STK24: variants seen among roughly 807,000 people sequenced by gnomAD.
The protein encoded by STK24 is serine/threonine-protein kinase 24.
In STK24, 21 loss-of-function variants were observed where a neutral mutation model predicts 55.6. The ratio of observed to expected loss-of-function variants is 0.38; its 90% CI spans 0.27 to 0.54. The LOEUF is 0.54. Ranked by LOEUF, STK24 falls within the 20% of genes least tolerant of loss-of-function variation. STK24 has a pLI of 0.79. For missense variants in STK24, 383 were observed against 538.4 expected, an observed-to-expected ratio of 0.71 and a Z score of 2.86; for synonymous variants, 200 against 215.2, an observed-to-expected ratio of 0.93 and a Z score of 0.62.
At chr13:98,561,723 T>G (rs916568356) in intron 1 of STK24, among the ~76,000 whole-genome samples, 2 of 151,874 alleles carry the variant, frequency 1.3e-5, no homozygotes, top group African/African-American at 4.8e-5. Flanking sequence ...TTGCCACTAA[T>G]CCTAGCACTT....
chr13:98,526,999 A>G (rs532344825), intron 1 of STK24, among the ~76,000 whole-genome samples: 1 of 152,248 alleles, frequency 6.6e-6, no homozygotes, highest in Non-Finnish European at 1.5e-5. Flanking sequence ...TATGTGTCAG[A>G]TTCCCTGAGA....
At position 98,535,364 on chromosome 13, in the gene STK24, A is replaced by AC. The variant is rs367778396; in HGVS notation, c.43-15892_43-15891insG. 2.5e-3 allele frequency among the ~76,000 whole-genome samples: 105 copies of AC among 41,378 alleles called. 2 individuals carry two copies. Among genetic ancestry groups the AC allele is most frequent in the African/African-American group, 5.8e-3 (80 of 13,818 alleles). 27.1% of individuals were successfully genotyped at this position (41,378 alleles called of 152,430 possible). A position where few individuals can be genotyped will look rare whatever the true frequency, so the allele number is the denominator to read the frequency against. On this transcript the variant is annotated intron_variant, in intron 1 of 10. Coordinates refer to ENST00000539966, the MANE Select transcript of STK24 (RefSeq NM_001032296.4). ...AACAAACAAACAAACAAACAAACAA[A>AC]AAAAAAATATATATATATATATATA...
At chr13:98,464,188 C>T (rs1422902312) in intron 6 of STK24, among the ~76,000 whole-genome samples, 6 of 152,138 alleles carry the variant, frequency 3.9e-5, no homozygotes, top group East Asian at 3.9e-4. Flanking sequence ...GAGGCCGAGG[C>T]GGGCAGATCA....
At chr13:98,536,100 G>T (rs1896726849) in intron 1 of STK24, among the ~76,000 whole-genome samples, 1 of 152,200 alleles carries the variant, frequency 6.6e-6, no homozygotes, top group Non-Finnish European at 1.5e-5. Context: ...GAAGGTCATA[G>T]ACAAGGTTGA....
At chr13:98,549,024 A>G (rs927188720) in intron 1 of STK24, among the ~76,000 whole-genome samples, 1 of 152,164 alleles carries the variant, frequency 6.6e-6, no homozygotes, top group African/African-American at 2.4e-5. Flanking sequence ...GCCTCCTGCA[A>G]TTAGGCTGTT....
chr13:98,456,429 T>G (rs550689206), intron 10 of STK24: 27 of 477,164 alleles, frequency 5.7e-5, no homozygotes, highest in Admixed American at 5.1e-4. Context: ...CTCCTGGGGG[T>G]GTGGAGGACA....
At chr13:98,573,083 C>T (rs1234380243) in intron 1 of STK24, among the ~76,000 whole-genome samples, 2 of 152,150 alleles carry the variant, frequency 1.3e-5, no homozygotes, top group Non-Finnish European at 2.9e-5. Flanking sequence ...GCATATAATG[C>T]AAATATTCCA....
At chr13:98,540,698 T>A (rs1896861618) in intron 1 of STK24, among the ~76,000 whole-genome samples, 1 of 146,504 alleles carries the variant, frequency 6.8e-6, no homozygotes, top group Non-Finnish European at 1.5e-5. Context: ...GCAGGCCAAG[T>A]CTCTCTCACA....
At chr13:98,546,961 G>A (rs1472380858) in intron 1 of STK24, among the ~76,000 whole-genome samples, 2 of 152,120 alleles carry the variant, frequency 1.3e-5, no homozygotes, top group Non-Finnish European at 2.9e-5. Context: ...GCCCAGGATG[G>A]AGTGCAATGG....
rs373700027 is a variant in STK24 at position 98,446,610 on chromosome 13, G to A, written c.*6563C>T. 2.5e-5 allele frequency: 39 copies of A among 1,584,074 alleles called. No homozygotes were observed. The highest frequency in any genetic ancestry group is 3.4e-5 in the Non-Finnish European group (39 of 1,157,044). ...CTGTCTGATGCGGGGCAGCAGCCAG[G>A]CCCAGCAGCAGAAGCTGACCCCGAA... On this transcript the variant is annotated 3_prime_UTR_variant, in exon 11 of 11. Transcript: ENST00000539966.
At position 98,559,002 on chromosome 13, in the gene STK24, TAAAAAAAAAAAA is replaced by T. The variant is rs60756124; in HGVS notation, c.42+17731_42+17742del. On this transcript the variant is annotated intron_variant, in intron 1 of 10. Coordinates refer to ENST00000539966, the MANE Select transcript of STK24 (RefSeq NM_001032296.4). ...CAACGTGGAGAAACCCTGTCTCTAC[TAAAAAAAAAAAA>T]AAAAAAAAAAAAAAAAAATACAAAA... is the stretch of plus-strand genomic sequence containing the variant. Among the ~76,000 whole-genome samples, 121 of 43,042 alleles carry T rather than the reference TAAAAAAAAAAAA, an allele frequency of 2.8e-3. No individual in the cohort carries two copies. In the South Asian group the frequency reaches 0.038, roughly 13 times the overall value. The allele number at this position is 43,042 out of a possible 152,430, so 28.2% of individuals were successfully genotyped here.
Position 98,453,064 on chromosome 13 carries a change from G to T in STK24, c.*109C>A. 1 of 1,321,220 alleles carries T rather than the reference G, an allele frequency of 7.6e-7. No homozygotes were observed. The highest frequency in any genetic ancestry group is 1.1e-6 in the Non-Finnish European group (1 of 939,566). 81.8% of individuals were successfully genotyped at this position (1,321,220 alleles called of 1,614,324 possible). A position where few individuals can be genotyped will look rare whatever the true frequency, so the allele number is the denominator to read the frequency against. On this transcript the variant is annotated 3_prime_UTR_variant, in exon 11 of 11. Transcript: ENST00000539966. Reference sequence around the variant, plus strand: ...GCGCCTGGCGCTGGGGTGGCTCCCAGTGGCGCACCTCTTCGGTGGAGTCAG... The same window carrying T: ...GCGCCTGGCGCTGGGGTGGCTCCCATTGGCGCACCTCTTCGGTGGAGTCAG...
At chr13:98,543,192 C>T (rs1896935886) in intron 1 of STK24, among the ~76,000 whole-genome samples, 1 of 151,838 alleles carries the variant, frequency 6.6e-6, no homozygotes, top group South Asian at 2.1e-4. Flanking sequence ...GTTTTTTTCC[C>T]CAAAAAAAGA....
chr13:98,505,663 T>C (rs1895656657), intron 2 of STK24, among the ~76,000 whole-genome samples: 1 of 152,258 alleles, frequency 6.6e-6, no homozygotes, highest in South Asian at 2.1e-4. Context: ...ATGATTGGTC[T>C]CTTAACAGGT....
intron 2 of STK24, among the ~76,000 whole-genome samples, chr13:98,518,998 C>T (rs1202508683): frequency 6.6e-6 from 1 of 152,190 alleles, no homozygotes; most frequent in Non-Finnish European, 1.5e-5. Flanking sequence ...CAAAGTCCCA[C>T]CAGAAATACT....
intron 1 of STK24, among the ~76,000 whole-genome samples, chr13:98,537,861 T>C (rs895602276): frequency 6.6e-6 from 1 of 152,030 alleles, no homozygotes; most frequent in Non-Finnish European, 1.5e-5. Context: ...GCCTCTTCTA[T>C]AGATGGGGAT....
chr13:98,470,001 G>C (rs1894081677), intron 5 of STK24, among the ~76,000 whole-genome samples: 1 of 152,224 alleles, frequency 6.6e-6, no homozygotes, highest in Admixed American at 6.5e-5. Context: ...CATTACTTAT[G>C]TTCAACCTCA....
chr13:98,463,705 G>C lies in STK24; in HGVS notation c.915C>G (p.Ser305=). ...KAEQSHDDSS[S]EDSDAETDGQ... is the part of the protein sequence containing the mutation. ...GGCCGACTTACGCGTCGGAATCCTC[G>C]GAGCTCGAGTCGTCATGGCTCTGCT... Residue 305 remains serine, a synonymous_variant, in exon 7 of 11, where the codon TCC becomes TCG. Coordinates refer to ENST00000539966, the MANE Select transcript of STK24 (RefSeq NM_001032296.4). 1 of 1,613,906 alleles carries C rather than the reference G, an allele frequency of 6.2e-7. No individual in the cohort carries two copies. Among genetic ancestry groups the C allele is most frequent in the Non-Finnish European group, 8.5e-7 (1 of 1,179,920 alleles).
chr13:98,469,540 C>T (rs1473218744), intron 5 of STK24, among the ~76,000 whole-genome samples: 1 of 135,670 alleles, frequency 7.4e-6, no homozygotes, highest in South Asian at 2.3e-4. Context: ...TGCATCCCCC[C>T]CCCCAAAAAA....
Sources: gnomAD v4.1 joint callset for allele counts (sites outside exome capture counted in the v4.1 genomes callset) on GRCh38, gnomAD v4.1.1 for gene constraint, MANE v1.5 for transcripts, NCBI Gene and HGNC (gene_info 2026-07-23, HGNC 2026-07-21) for gene names.